The following SORCS1 variants were observed in gnomAD, a reference collection of about 807,000 sequenced individuals.
SORCS1 encodes sortilin related VPS10 domain containing receptor 1.
SORCS1 carries 60 observed loss-of-function variants against 146.1 expected under a neutral mutation model. The ratio of observed to expected loss-of-function variants is 0.41; its 90% CI spans 0.33 to 0.51. The LOEUF (loss-of-function observed/expected upper bound fraction) is 0.51. Ranked by LOEUF, SORCS1 falls within the 20% of genes least tolerant of loss-of-function variation. The pLI is 0.21. For synonymous variants in SORCS1, 637 were observed against 584.0 expected, an observed-to-expected ratio of 1.09 and a Z score of -1.31; for missense variants, 1,352 against 1,487.6, an observed-to-expected ratio of 0.91 and a Z score of 1.50.
chr10:107,112,948 A>G (rs12411863), intron 1 of SORCS1, among the ~76,000 whole-genome samples: 5 of 152,222 alleles, frequency 3.3e-5, no homozygotes, highest in Admixed American at 2.6e-4. Context: ...TGGATAGATC[A>G]TCCAGAGAGA....
chr10:106,906,467 T>G (rs1055238893), intron 2 of SORCS1, among the ~76,000 whole-genome samples: 1 of 151,974 alleles, frequency 6.6e-6, no homozygotes, highest in African/African-American at 2.4e-5. Flanking sequence ...GAGGCCTCAG[T>G]CAGAATCACG....
At chr10:106,677,283 G>T in intron 13 of SORCS1, 30 bp downstream of exon 13, 2 of 1,587,128 alleles carry the variant, frequency 1.3e-6, no homozygotes, top group South Asian at 1.1e-5. Flanking sequence ...ACCATCAGGT[G>T]CAGATTTCAC....
intron 3 of SORCS1, among the ~76,000 whole-genome samples, chr10:106,807,620 T>C (rs1189279145): frequency 5.9e-5 from 9 of 152,190 alleles, no homozygotes; most frequent in Non-Finnish European, 1.2e-4. Context: ...CTGCAAAAGG[T>C]AGTAATATTA....
intron 18 of SORCS1, among the ~76,000 whole-genome samples, chr10:106,646,359 A>G (rs1365775109): frequency 6.6e-6 from 1 of 152,194 alleles, no homozygotes; most frequent in Non-Finnish European, 1.5e-5. Context: ...AAGTCTTTGC[A>G]TAACACAAGG....
chr10:106,895,597 T>G (rs1245378895), intron 2 of SORCS1, among the ~76,000 whole-genome samples: 2 of 152,282 alleles, frequency 1.3e-5, no homozygotes, highest in Non-Finnish European at 2.9e-5. Context: ...GGAGACACAG[T>G]AAGACTCTGT....
intron 17 of SORCS1, among the ~76,000 whole-genome samples, chr10:106,657,521 G>A (rs1461831066): frequency 6.6e-6 from 1 of 152,010 alleles, no homozygotes; most frequent in African/African-American, 2.4e-5. Context: ...ATGCTACTCA[G>A]ATGACGGATG....
In SORCS1 at chr10:106,869,726, G is replaced by T. The variant is rs929849519; in HGVS notation, c.627-40053C>A. Among the ~76,000 whole-genome samples, 5 of 152,242 alleles carry T rather than the reference G, an allele frequency of 3.3e-5. No homozygotes were observed. In the East Asian group the frequency reaches 9.6e-4, roughly 29 times the overall value. On this transcript the variant is annotated intron_variant, in intron 2 of 25. Transcript: ENST00000263054. ...AGGAGCTATATATGAAAAACCCACA[G>T]CCAACATCATACTGAATGGGCAACA...
At chr10:106,902,576 T>G (rs1951753127) in intron 2 of SORCS1, among the ~76,000 whole-genome samples, 1 of 152,200 alleles carries the variant, frequency 6.6e-6, no homozygotes, top group African/African-American at 2.4e-5. Context: ...TTTTAAATAT[T>G]AATAAATCAA....
chr10:106,964,731 C>T (rs570489583), intron 1 of SORCS1, among the ~76,000 whole-genome samples: 1 of 152,154 alleles, frequency 6.6e-6, no homozygotes, highest in East Asian at 1.9e-4. Flanking sequence ...CCTTATCTGC[C>T]TGCCTTGCCC....
At chr10:107,151,449 A>T (rs552991461) in intron 1 of SORCS1, among the ~76,000 whole-genome samples, 1 of 152,082 alleles carries the variant, frequency 6.6e-6, no homozygotes, top group African/African-American at 2.4e-5. Flanking sequence ...ATGGCTGGGG[A>T]GATCTCAGAA....
At chr10:106,770,090 C>G (rs1859901308) in intron 4 of SORCS1, among the ~76,000 whole-genome samples, 1 of 151,912 alleles carries the variant, frequency 6.6e-6, no homozygotes, top group Non-Finnish European at 1.5e-5. Context: ...AAGACTGTCT[C>G]AAAAAAAGAA....
chr10:107,159,900 G>A (rs186267751), intron 1 of SORCS1, among the ~76,000 whole-genome samples: 1 of 152,114 alleles, frequency 6.6e-6, no homozygotes, highest in Admixed American at 6.5e-5. Flanking sequence ...CAGCCAGTGT[G>A]TCTATAATAT....
At chr10:106,696,172 T>A (rs527374468) in intron 9 of SORCS1, among the ~76,000 whole-genome samples, 12 of 152,344 alleles carry the variant, frequency 7.9e-5, no homozygotes, top group African/African-American at 2.4e-4. Context: ...TCCTCTTCAG[T>A]CACCCCAAAT....
At chr10:106,745,061 C>G (rs1025665570) in intron 5 of SORCS1, among the ~76,000 whole-genome samples, 9 of 152,132 alleles carry the variant, frequency 5.9e-5, no homozygotes. Context: ...CAACAGGGAT[C>G]CTCTTGACAA....
intron 2 of SORCS1, among the ~76,000 whole-genome samples, chr10:106,881,076 C>CAAACAA (rs1950787997): frequency 1.4e-5 from 1 of 69,168 alleles, no homozygotes; most frequent in Non-Finnish European, 2.7e-5. Flanking sequence ...GACTCTGTCT[C>CAAACAA]AAAAAAAAAA....
intron 5 of SORCS1, among the ~76,000 whole-genome samples, chr10:106,760,442 CA>C (rs34324078): frequency 5.5e-3 from 252 of 45,800 alleles, no homozygotes; most frequent in African/African-American, 0.016. Context: ...GACTCCGTCT[CA>C]AAAAAAAAAA....
At chr10:107,153,228 C>G (rs1002243487) in intron 1 of SORCS1, among the ~76,000 whole-genome samples, 6 of 151,860 alleles carry the variant, frequency 4.0e-5, no homozygotes, top group African/African-American at 9.7e-5. Context: ...AATCAGTGCT[C>G]ACAATCAGTA....
intron 2 of SORCS1, among the ~76,000 whole-genome samples, chr10:106,842,992 T>C (rs1014041366): frequency 2.0e-5 from 3 of 152,230 alleles, no homozygotes; most frequent in Non-Finnish European, 2.9e-5. Context: ...ACAAATGTAA[T>C]TGTATTTAAG....
chr10:106,855,103 T>A (rs1461245239), intron 2 of SORCS1, among the ~76,000 whole-genome samples: 2 of 152,286 alleles, frequency 1.3e-5, no homozygotes, highest in East Asian at 3.9e-4. Context: ...AAAGTCTTTA[T>A]CTCTCCTTCA....
Sources: gnomAD v4.1 joint callset for allele counts (sites outside exome capture counted in the v4.1 genomes callset) on GRCh38, gnomAD v4.1.1 for gene constraint, MANE v1.5 for transcripts, NCBI Gene and HGNC (gene_info 2026-07-23, HGNC 2026-07-21) for gene names.